The following SMPDL3B variants were observed in gnomAD, a reference collection of about 807,000 sequenced individuals.
SMPDL3B encodes the protein acid sphingomyelinase-like phosphodiesterase 3b.
Under a neutral mutation model 37.9 loss-of-function variants are expected in SMPDL3B, and 31 were observed. The ratio of observed to expected loss-of-function variants is 0.82; its 90% confidence interval spans 0.61 to 1.10. SMPDL3B has a LOEUF of 1.10. Among genes scored for constraint, SMPDL3B ranks in the 50% least tolerant of loss-of-function variants. The pLI is 0.00. For missense variants in SMPDL3B, 525 were observed against 597.8 expected, an observed-to-expected ratio of 0.88 and a Z score of 1.27; for synonymous variants, 235 against 242.6, an observed-to-expected ratio of 0.97 and a Z score of 0.29.
intron 4 of SMPDL3B, among the ~76,000 whole-genome samples, chr1:27,953,570 GCTC>G (rs2090472796): frequency 6.6e-6 from 1 of 152,178 alleles, no homozygotes; most frequent in South Asian, 2.1e-4. Flanking sequence ...CACTGATGAT[GCTC>G]CTAAGTTCAT....
chr1:27,952,301 T>C (rs942145907), intron 3 of SMPDL3B, among the ~76,000 whole-genome samples: 2 of 152,188 alleles, frequency 1.3e-5, no homozygotes, highest in Non-Finnish European at 2.9e-5. Context: ...TTTCCAGGTC[T>C]TGTCGGCTGT....
chr1:27,948,124 C>G (rs1239323401), intron 2 of SMPDL3B, among the ~76,000 whole-genome samples: 1 of 152,088 alleles, frequency 6.6e-6, no homozygotes, highest in Non-Finnish European at 1.5e-5. Flanking sequence ...GTGGTGTACA[C>G]TTAGGTACAA....
intron 7 of SMPDL3B, among the ~76,000 whole-genome samples, chr1:27,957,307 G>A (rs1638318524): frequency 6.6e-6 from 1 of 152,124 alleles, no homozygotes; most frequent in African/African-American, 2.4e-5. Context: ...CTGGATGCAG[G>A]ATTTGCTAGA....
chr1:27,941,288 GC>G (rs1310380730), intron 1 of SMPDL3B, among the ~76,000 whole-genome samples: 1 of 152,192 alleles, frequency 6.6e-6, no homozygotes. Context: ...GCCTTAGTTT[GC>G]TTATCTATGC....
At position 27,950,697 on chromosome 1, in the gene SMPDL3B, T is replaced by G. The variant is rs529539936; in HGVS notation, c.373+1535T>G. ...CAAGCTAAAGTGCAGTGGTGCGATC[T>G]TGGCTCACTGCAACCTCCACCCCCA... On this transcript the variant is annotated intron_variant, in intron 3 of 7. Coordinates refer to ENST00000373894, the MANE Select transcript of SMPDL3B (RefSeq NM_014474.4). 5.3e-5 allele frequency among the ~76,000 whole-genome samples: 8 copies of G among 152,322 alleles called. No homozygotes were observed. The South Asian group carries it at 1.7e-3, about 32-fold the overall frequency.
rs1363161078 is a variant in SMPDL3B, at chr1:27,958,646, C to T, written c.1176C>T (p.Tyr392=). The change falls in exon 8 of 8, where the codon TAC becomes TAT. Residue 392 remains tyrosine (Y), a synonymous_variant. Transcript: ENST00000373894. This position sits in a 1 kb window ranked among gnomAD's most constrained non-coding sequence, Gnocchi z 5.6. ...IAGDQSTLQR[Y]YVYNSVSYSA... is the part of the protein sequence containing the mutation. Reference sequence around the variant, plus strand: ...GCGACCAGAGCACACTGCAGCGCTACTACGTCTATAACTCAGTCAGCTACT... The same window carrying T: ...GCGACCAGAGCACACTGCAGCGCTATTACGTCTATAACTCAGTCAGCTACT... 2 of 1,613,954 alleles carry T rather than the reference C, an allele frequency of 1.2e-6. No individual in the cohort carries two copies. Among genetic ancestry groups the T allele is most frequent in the Non-Finnish European group, 1.7e-6 (2 of 1,179,964 alleles).
intron 7 of SMPDL3B, chr1:27,956,571 C>T (rs1638290973): frequency 2.4e-6 from 2 of 840,064 alleles, no homozygotes; most frequent in Non-Finnish European, 2.9e-6. Context: ...TGGGCAGTCC[C>T]TCACCTCGTA....
chr1:27,943,543 A>G (rs2090377798), intron 1 of SMPDL3B, among the ~76,000 whole-genome samples: 1 of 152,142 alleles, frequency 6.6e-6, no homozygotes. Context: ...TCTTGGGGCC[A>G]GTGATGTTGA....
intron 2 of SMPDL3B, among the ~76,000 whole-genome samples, chr1:27,948,788 T>C (rs1234775620): frequency 6.6e-6 from 1 of 152,196 alleles, no homozygotes; most frequent in Non-Finnish European, 1.5e-5. Flanking sequence ...TAACAAACAC[T>C]CTGTGAGTAA....
chr1:27,957,507 G>A (rs1638324225), intron 7 of SMPDL3B, among the ~76,000 whole-genome samples: 1 of 152,182 alleles, frequency 6.6e-6, no homozygotes, highest in Non-Finnish European at 1.5e-5. Context: ...AGTGAAAGTG[G>A]ACAGGGAAGG....
At chr1:27,937,494 T>TAA (rs2090320187) in intron 1 of SMPDL3B, among the ~76,000 whole-genome samples, 1 of 152,234 alleles carries the variant, frequency 6.6e-6, no homozygotes, top group Admixed American at 6.5e-5. Flanking sequence ...GGCCTCCATT[T>TAA]ACAAAGGATG....
intron 7 of SMPDL3B, among the ~76,000 whole-genome samples, chr1:27,956,967 G>A (rs4908382): frequency 0.3 from 46,104 of 151,842 alleles, 7,857 homozygotes; most frequent in South Asian, 0.43. Context: ...CAAAGGCCCC[G>A]GGGTGGGAAT....
Position 27,954,379 on chromosome 1 carries a change from G to A in SMPDL3B, c.543G>A (p.Pro181=), listed in dbSNP as rs749669066. 32 of 1,613,834 alleles carry A rather than the reference G, an allele frequency of 2.0e-5. No homozygotes were observed. The highest frequency in any genetic ancestry group is 1.9e-4 in the African/African-American group (14 of 74,904). ...KKGAFYCEKL[P]GPSGAGRIVV... ...GTGCCTTCTACTGTGAGAAGCTGCC[G>A]GGTCCCAGCGGGGCTGGGCGAATTG... Residue 181 remains proline, a synonymous_variant, in exon 5 of 8, where the codon CCG becomes CCA. Transcript: ENST00000373894.
At chr1:27,952,200 C>A (rs1285726282) in intron 3 of SMPDL3B, among the ~76,000 whole-genome samples, 1 of 151,710 alleles carries the variant, frequency 6.6e-6, no homozygotes, top group Non-Finnish European at 1.5e-5. Flanking sequence ...TTCTTAATGG[C>A]TGCTGGCATT....
chr1:27,950,286 C>T (rs1437136049), intron 3 of SMPDL3B, among the ~76,000 whole-genome samples: 2 of 152,170 alleles, frequency 1.3e-5, no homozygotes, highest in African/African-American at 4.8e-5. Flanking sequence ...ATTCCCCTGA[C>T]CCCAACAGCA....
In SMPDL3B at chr1:27,953,227, A is replaced by G. The variant is rs1354549056; in HGVS notation, c.386A>G (p.Tyr129Cys). Residue 129 changes from tyrosine (Y) to cysteine (C), a missense_variant, in exon 4 of 8, where the codon TAT (tyrosine) becomes TGT (cysteine). Physicochemically the swap from Tyr to Cys is radical, Grantham distance 194. Transcript: ENST00000373894. The part of the protein sequence containing the change: ...IREVFPDTKV[Y>C]AALGNHDFHP... ...CCTTTCTTCCTAGATACTAAAGTCT[A>G]TGCTGCTTTGGGAAATCATGATTTT... 1 of 1,613,356 alleles carries G rather than the reference A, an allele frequency of 6.2e-7. No homozygotes were observed. Among genetic ancestry groups the G allele is most frequent in the Admixed American group, 1.7e-5 (1 of 59,924 alleles).
chr1:27,947,374 T>C (rs1453130614), intron 2 of SMPDL3B, among the ~76,000 whole-genome samples: 2 of 151,908 alleles, frequency 1.3e-5, no homozygotes, highest in Non-Finnish European at 2.9e-5. Context: ...CTCTGAGACC[T>C]TGAAGAGGTA....
At chr1:27,950,051 G>A (rs1455114267) in intron 3 of SMPDL3B, among the ~76,000 whole-genome samples, 1 of 152,162 alleles carries the variant, frequency 6.6e-6, no homozygotes, top group Non-Finnish European at 1.5e-5. Flanking sequence ...TACTGATGAG[G>A]GAGGTGAGCC....
chr1:27,952,567 C>T (rs72656524), intron 3 of SMPDL3B, among the ~76,000 whole-genome samples: 36,802 of 152,108 alleles, frequency 0.24, 4,511 homozygotes, highest in Admixed American at 0.27. Context: ...TCCCCTACAC[C>T]TCCAGGCCTC....
Sources: allele counts gnomAD v4.1 joint callset (sites outside exome capture counted in the v4.1 genomes callset), GRCh38; gene constraint gnomAD v4.1.1; non-coding constraint Gnocchi (gnomAD v3.1); transcripts MANE v1.5; gene names NCBI Gene and HGNC (gene_info 2026-07-23, HGNC 2026-07-21).